The following RBFOX1 variants were observed in gnomAD, a reference collection of about 807,000 sequenced individuals.
RBFOX1 encodes the protein RNA binding fox-1 homolog 1.
RBFOX1 carries 8 observed loss-of-function variants against 57.7 expected under a neutral mutation model. The observed-to-expected ratio is 0.14, with a 90% confidence interval of 0.08 to 0.25. RBFOX1 has a LOEUF of 0.25. Among genes scored for constraint, RBFOX1 ranks in the 10% least tolerant of loss-of-function variants. The pLI is 1.00. For missense variants in RBFOX1, 611 were observed against 548.5 expected, an observed-to-expected ratio of 1.11 and a Z score of -1.14; for synonymous variants, 326 against 222.4, an observed-to-expected ratio of 1.47 and a Z score of -4.15.
chr16:5,847,667 G>A (rs1173169876), intron 3 of RBFOX1, among the ~76,000 whole-genome samples: 1 of 152,074 alleles, frequency 6.6e-6, no homozygotes, highest in Non-Finnish European at 1.5e-5. Flanking sequence ...TGGCCCTCCG[G>A]AGGCTGACTG....
intron 7 of RBFOX1, among the ~76,000 whole-genome samples, chr16:7,595,014 G>A (rs1157738063): frequency 2.6e-5 from 4 of 152,078 alleles, no homozygotes; most frequent in African/African-American, 9.7e-5. Context: ...GAGAAGTAAA[G>A]GCTGTAGAAC....
chr16:5,887,780 C>T lies in RBFOX1; in HGVS notation c.351+20445C>T, dbSNP rs373713100. On this transcript the variant is annotated intron_variant, in intron 4 of 19. Coordinates refer to the RBFOX1 transcript ENST00000641259. ...TTGGTTCACCCGAGGAGTCAGACCACGCAACCGAATGGTTGTGCCAGAATT... is the reference window on the plus strand; with the variant it reads ...TTGGTTCACCCGAGGAGTCAGACCATGCAACCGAATGGTTGTGCCAGAATT... Among the ~76,000 whole-genome samples, 5 of 152,250 alleles carry T rather than the reference C, an allele frequency of 3.3e-5. No homozygotes were observed. In the East Asian group the frequency reaches 5.8e-4, roughly 18 times the overall value.
chr16:5,804,149 T>G (rs1031759655), intron 3 of RBFOX1, among the ~76,000 whole-genome samples: 86 of 152,222 alleles, frequency 5.6e-4, no homozygotes, highest in African/African-American at 2.0e-3. Flanking sequence ...TCCAATTCAT[T>G]TTGGTGTCCT....
At chr16:5,868,732 C>T (rs541930865) in intron 4 of RBFOX1, among the ~76,000 whole-genome samples, 1 of 152,146 alleles carries the variant, frequency 6.6e-6, no homozygotes, top group Non-Finnish European at 1.5e-5. Context: ...TCACCTATGT[C>T]CCCATGATCT....
rs1248107038 is a variant in RBFOX1 at position 5,946,162 on chromosome 16, A to T, written c.351+78827A>T. Among the ~76,000 whole-genome samples the T allele has an allele frequency of 6.6e-6, 1 of 152,166 alleles. No individual in the cohort carries two copies. The highest frequency in any genetic ancestry group is 1.5e-5 in the Non-Finnish European group (1 of 68,022). On this transcript the variant is annotated intron_variant, in intron 4 of 19. Coordinates refer to the RBFOX1 transcript ENST00000641259. The surrounding 1 kb of genome is among the most constrained non-coding windows in gnomAD (Gnocchi z 4.6). The stretch of plus-strand genomic sequence containing the variant: ...ACCACTCCTGTCCTAACATGGCAGG[A>T]TGTGATGGAAAGTGCACAGACGGCC...
intron 4 of RBFOX1, among the ~76,000 whole-genome samples, chr16:7,209,278 T>C (rs1387689748): frequency 1.3e-5 from 2 of 152,136 alleles, no homozygotes; most frequent in Admixed American, 1.3e-4. Flanking sequence ...GAGGTTGCAG[T>C]GAGCTGATAT....
At chr16:7,447,325 T>G (rs561711512) in intron 4 of RBFOX1, among the ~76,000 whole-genome samples, 2 of 149,418 alleles carry the variant, frequency 1.3e-5, no homozygotes, top group East Asian at 4.1e-4. Context: ...CCTAGCTACT[T>G]GGGAGGCTGA....
chr16:6,817,850 C>G (rs1378772196), intron 3 of RBFOX1, among the ~76,000 whole-genome samples: 2 of 152,168 alleles, frequency 1.3e-5, no homozygotes, highest in Non-Finnish European at 2.9e-5. Context: ...GAATGTGACT[C>G]ATATCAGACA....
chr16:5,939,477 T>C (rs1365664306), intron 4 of RBFOX1, among the ~76,000 whole-genome samples: 1 of 152,178 alleles, frequency 6.6e-6, no homozygotes, highest in Non-Finnish European at 1.5e-5. Flanking sequence ...AATTCCTGTT[T>C]CTTGTCATGG....
At chr16:7,049,982 C>T (rs1422407935) in intron 3 of RBFOX1, among the ~76,000 whole-genome samples, 1 of 152,158 alleles carries the variant, frequency 6.6e-6, no homozygotes, top group Non-Finnish European at 1.5e-5. Flanking sequence ...CAAATAGAAA[C>T]CTCATACCCA....
intron 4 of RBFOX1, among the ~76,000 whole-genome samples, chr16:7,353,606 A>G (rs537220571): frequency 6.6e-6 from 1 of 152,356 alleles, no homozygotes; most frequent in South Asian, 2.1e-4. Flanking sequence ...GATATAGCAT[A>G]CAATGGGATA....
chr16:7,466,137 C>T (rs377290120), intron 4 of RBFOX1, among the ~76,000 whole-genome samples: 4 of 152,168 alleles, frequency 2.6e-5, no homozygotes, highest in East Asian at 3.9e-4. Flanking sequence ...CAACAGTGAA[C>T]ACCATCTGGG....
chr16:7,669,305 G>C (rs1018665896), intron 13 of RBFOX1, among the ~76,000 whole-genome samples: 3 of 152,114 alleles, frequency 2.0e-5, no homozygotes, highest in African/African-American at 7.2e-5. Flanking sequence ...TTCTCAGAAA[G>C]AGACCAAAAA....
chr16:6,630,954 T>C (rs1474025274), intron 2 of RBFOX1, among the ~76,000 whole-genome samples: 2 of 152,122 alleles, frequency 1.3e-5, no homozygotes, highest in East Asian at 1.9e-4. Context: ...AAGTACCTTA[T>C]TGAATGCATT....
At chr16:7,493,232 C>G (rs1052876344) in intron 4 of RBFOX1, among the ~76,000 whole-genome samples, 1 of 151,660 alleles carries the variant, frequency 6.6e-6, no homozygotes, top group South Asian at 2.1e-4. Flanking sequence ...CAAGAACAGA[C>G]TAACACACTC....
At chr16:6,149,312 C>G (rs1400350454) in intron 1 of RBFOX1, among the ~76,000 whole-genome samples, 5 of 152,158 alleles carry the variant, frequency 3.3e-5, no homozygotes, top group African/African-American at 7.2e-5. Flanking sequence ...TTCCCTTTAC[C>G]AGATGTGTGT....
chr16:6,984,359 T>C (rs566034145), intron 3 of RBFOX1, among the ~76,000 whole-genome samples: 19 of 152,260 alleles, frequency 1.2e-4, no homozygotes, highest in Admixed American at 1.2e-3. Context: ...ACCTGGGATA[T>C]GCATGAAAAA....
chr16:7,359,330 C>G (rs924652446), intron 4 of RBFOX1, among the ~76,000 whole-genome samples: 4 of 152,148 alleles, frequency 2.6e-5, no homozygotes, highest in South Asian at 2.1e-4. Context: ...ATGTTTATCA[C>G]ATAGTAAGCA....
At chr16:6,231,429 C>T (rs1486269210) in intron 1 of RBFOX1, among the ~76,000 whole-genome samples, 1 of 152,072 alleles carries the variant, frequency 6.6e-6, no homozygotes, top group Non-Finnish European at 1.5e-5. Flanking sequence ...AGGAATCCTA[C>T]CCAGGTGCTA....
Sources: allele counts gnomAD v4.1 joint callset (sites outside exome capture counted in the v4.1 genomes callset), GRCh38; gene constraint gnomAD v4.1.1; non-coding constraint Gnocchi (gnomAD v3.1); transcripts MANE v1.5; gene names NCBI Gene and HGNC (gene_info 2026-07-23, HGNC 2026-07-21).